The following IL16 variants were observed in gnomAD, a reference collection of about 807,000 sequenced individuals.
IL16 encodes pro-interleukin-16.
IL16 carries 67 observed loss-of-function variants against 110.1 expected under a neutral mutation model. The ratio of observed to expected loss-of-function variants is 0.61; its 90% confidence interval spans 0.50 to 0.75. The LOEUF (loss-of-function observed/expected upper bound fraction) is 0.75. Ranked by LOEUF, IL16 falls within the 30% of genes least tolerant of loss-of-function variation. IL16 has a pLI of 0.00. For missense variants in IL16, 1,545 were observed against 1,655.0 expected (o/e 0.93, Z 1.15); for synonymous variants, 689 against 662.9 (o/e 1.04, Z -0.61).
intron 1 of IL16, among the ~76,000 whole-genome samples, chr15:81,184,040 A>G (rs982340203): frequency 2.0e-5 from 3 of 152,198 alleles, no homozygotes; most frequent in African/African-American, 7.2e-5. Flanking sequence ...GATGAAGAAA[A>G]GAGTGCTTGA....
chr15:81,221,509 G>C (rs973710326), intron 1 of IL16, among the ~76,000 whole-genome samples: 1 of 152,158 alleles, frequency 6.6e-6, no homozygotes, highest in Non-Finnish European at 1.5e-5. Flanking sequence ...TGGTTCCAAT[G>C]TCCTGAGCTC....
intron 2 of IL16, among the ~76,000 whole-genome samples, chr15:81,256,583 A>G (rs2142169656): frequency 6.6e-6 from 1 of 152,188 alleles, no homozygotes; most frequent in African/African-American, 2.4e-5. Context: ...AACTCCAGTG[A>G]ACCCCCCAAT....
rs748441093 is a variant in IL16, at chr15:81,258,870, TAAGTC to T, written c.313-898_313-894del. ...AATAAAACCAATATAACTCAAGAAT[TAAGTC>T]AAGATCATTGTGGATAACAAAGTTA... is the stretch of plus-strand genomic sequence containing the variant. On this transcript the variant is annotated intron_variant, in intron 2 of 18. Coordinates refer to ENST00000683961, the MANE Select transcript of IL16 (RefSeq NM_172217.5). Among the ~76,000 whole-genome samples, 4 of 151,912 alleles carry T rather than the reference TAAGTC, an allele frequency of 2.6e-5. No individual in the cohort carries two copies. In the South Asian group the frequency reaches 6.2e-4, roughly 24 times the overall value.
chr15:81,245,821 A>T (rs1897525127), intron 2 of IL16, among the ~76,000 whole-genome samples: 1 of 143,890 alleles, frequency 6.9e-6, no homozygotes, highest in African/African-American at 2.6e-5. Flanking sequence ...ATTCCTAGAG[A>T]AGTCATCTTG....
intron 3 of IL16, among the ~76,000 whole-genome samples, chr15:81,261,081 T>C (rs1415908011): frequency 3.9e-5 from 6 of 152,214 alleles, no homozygotes; most frequent in Non-Finnish European, 8.8e-5. Context: ...GATTTACAGG[T>C]TTTTCTCCTT....
chr15:81,219,171 A>G (rs1195678236), intron 1 of IL16, among the ~76,000 whole-genome samples: 1 of 152,164 alleles, frequency 6.6e-6, no homozygotes, highest in Non-Finnish European at 1.5e-5. Context: ...CTTCCCAATT[A>G]TTAACAATTA....
intron 2 of IL16, among the ~76,000 whole-genome samples, chr15:81,243,305 G>A (rs4131083): frequency 0.36 from 53,292 of 146,412 alleles, 10,056 homozygotes; most frequent in African/African-American, 0.47. Context: ...CCTCTCAAAT[G>A]GCTGGGACCA....
chr15:81,202,293 G>T (rs1424903775), intron 1 of IL16, among the ~76,000 whole-genome samples: 2 of 152,180 alleles, frequency 1.3e-5, no homozygotes, highest in African/African-American at 2.4e-5. Context: ...CATCAGATGA[G>T]TGCTTTGGTA....
chr15:81,229,821 G>A (rs1246976473), intron 2 of IL16, among the ~76,000 whole-genome samples: 1 of 152,106 alleles, frequency 6.6e-6, no homozygotes, highest in Non-Finnish European at 1.5e-5. Flanking sequence ...GACTCAGTTG[G>A]CCCAGATGAA....
chr15:81,205,054 C>A (rs1895965272), intron 1 of IL16, among the ~76,000 whole-genome samples: 1 of 152,006 alleles, frequency 6.6e-6, no homozygotes, highest in Non-Finnish European at 1.5e-5. Context: ...CACTTGTAAC[C>A]CCAGCACCTT....
At chr15:81,274,429 C>T (rs1567030541) in intron 6 of IL16, among the ~76,000 whole-genome samples, 1 of 152,232 alleles carries the variant, frequency 6.6e-6, no homozygotes, top group Non-Finnish European at 1.5e-5. Context: ...GCTTTCATCT[C>T]AGCAGGGTGC....
intron 8 of IL16, among the ~76,000 whole-genome samples, chr15:81,280,521 C>T (rs1354580012): frequency 6.6e-6 from 1 of 152,204 alleles, no homozygotes; most frequent in Non-Finnish European, 1.5e-5. Flanking sequence ...CAAAAAATGT[C>T]TCCTAGGGTT....
chr15:81,297,225 G>C (rs1900032155), intron 13 of IL16, 147 bp downstream of exon 13: 1 of 787,554 alleles, frequency 1.3e-6, no homozygotes. Flanking sequence ...AAGGGTTCCA[G>C]GTGCTGGGCA....
intron 2 of IL16, among the ~76,000 whole-genome samples, chr15:81,248,391 C>T (rs1897642080): frequency 6.6e-6 from 1 of 151,360 alleles, no homozygotes; most frequent in South Asian, 2.1e-4. Flanking sequence ...TTTTATTTTA[C>T]CTGTATATTT....
chr15:81,225,642 G>A lies in IL16; in HGVS notation c.243G>A (p.Ser81=), dbSNP rs766454847. The change falls in exon 2 of 19, where the codon TCG becomes TCA. Residue 81 remains serine (S), a synonymous_variant. Transcript: ENST00000683961. The part of the protein sequence containing the change: ...PSSVPDLALA[S]EAAQLQAAGN... Reference sequence around the variant, plus strand: ...GTGTTCCTGATCTAGCACTGGCCTCGGAGGCTGCTCAACTCCAAGCAGCTG... The same window carrying A: ...GTGTTCCTGATCTAGCACTGGCCTCAGAGGCTGCTCAACTCCAAGCAGCTG... 20 of 1,613,928 alleles carry A rather than the reference G, an allele frequency of 1.2e-5. No homozygotes were observed. Among genetic ancestry groups the A allele is most frequent in the South Asian group, 3.3e-5 (3 of 91,076 alleles).
chr15:81,215,507 G>A (rs927312316), intron 1 of IL16, among the ~76,000 whole-genome samples: 2 of 152,184 alleles, frequency 1.3e-5, no homozygotes, highest in African/African-American at 4.8e-5. Context: ...ATGTTGGCAG[G>A]TGTGCTCTGC....
chr15:81,188,370 G>A (rs748989149), intron 1 of IL16: 20 of 456,238 alleles, frequency 4.4e-5, no homozygotes, highest in Non-Finnish European at 7.5e-5. Context: ...GTGGAGCACT[G>A]CGGGCGAGAT....
At chr15:81,243,164 T>TATATATATACATATATATATATATATATA (rs60077602) in intron 2 of IL16, among the ~76,000 whole-genome samples, 1 of 15,774 alleles carries the variant, frequency 6.3e-5, no homozygotes, top group Non-Finnish European at 1.1e-4. Context: ...TATATATATA[T>TATATATATACATATATATATATATATATA]TTTTTTTTTT....
chr15:81,214,191 C>G (rs370763271), intron 1 of IL16, among the ~76,000 whole-genome samples: 2 of 152,018 alleles, frequency 1.3e-5, no homozygotes, highest in African/African-American at 4.8e-5. Flanking sequence ...CTTATGAAAC[C>G]TAGTTTGCTT....
Sources: allele counts gnomAD v4.1 joint callset (sites outside exome capture counted in the v4.1 genomes callset), GRCh38; gene constraint gnomAD v4.1.1; transcripts MANE v1.5; gene names NCBI Gene and HGNC (gene_info 2026-07-23, HGNC 2026-07-21).